SDHAF3: variants seen among roughly 807,000 people sequenced by gnomAD.
SDHAF3 encodes succinate dehydrogenase assembly factor 3, mitochondrial.
A neutral mutation model predicts 11.5 loss-of-function variants in SDHAF3; 18 were observed. That is an observed-to-expected ratio of 1.56 (90% CI 1.08 to 2.32). The LOEUF is 2.32. Ranked by LOEUF, SDHAF3 falls within the 30% of genes most tolerant of loss-of-function variation. The pLI is 0.00. For missense variants in SDHAF3, 200 were observed against 154.4 expected, an observed-to-expected ratio of 1.30 and a Z score of -1.57; for synonymous variants, 72 against 59.3, an observed-to-expected ratio of 1.21 and a Z score of -0.99.
chr7:97,126,491 C>T (rs1425787620), intron 1 of SDHAF3, among the ~76,000 whole-genome samples: 1 of 152,142 alleles, frequency 6.6e-6, no homozygotes, highest in Non-Finnish European at 1.5e-5. Context: ...GGGGCTGCTG[C>T]CTTTGTTTCA....
intron 1 of SDHAF3, among the ~76,000 whole-genome samples, chr7:97,123,583 A>G (rs1433516050): frequency 6.6e-6 from 1 of 152,128 alleles, no homozygotes; most frequent in Non-Finnish European, 1.5e-5. Flanking sequence ...TGTCTTCCAC[A>G]ATGGTTGAAG....
chr7:97,147,891 G>T (rs1420312803), intron 1 of SDHAF3, among the ~76,000 whole-genome samples: 2 of 152,066 alleles, frequency 1.3e-5, no homozygotes, highest in African/African-American at 2.4e-5. Context: ...CTTCAGTGGT[G>T]AACTTTTTAT....
intron 1 of SDHAF3, among the ~76,000 whole-genome samples, chr7:97,164,443 C>T (rs926577689): frequency 6.8e-6 from 1 of 147,638 alleles, no homozygotes; most frequent in South Asian, 2.1e-4. Flanking sequence ...AGTGCAATGG[C>T]GCAATCTCGG....
At chr7:97,122,512 T>G (rs1248248759) in intron 1 of SDHAF3, among the ~76,000 whole-genome samples, 1 of 152,038 alleles carries the variant, frequency 6.6e-6, no homozygotes, top group Non-Finnish European at 1.5e-5. Context: ...GAGGTTTTTT[T>G]TTTTTTTCTT....
chr7:97,137,374 G>T (rs1227433328), intron 1 of SDHAF3, among the ~76,000 whole-genome samples: 1 of 152,178 alleles, frequency 6.6e-6, no homozygotes, highest in Non-Finnish European at 1.5e-5. Flanking sequence ...TTAACAAGTT[G>T]AGAGTCAAGG....
intron 1 of SDHAF3, among the ~76,000 whole-genome samples, chr7:97,160,529 T>C (rs1425117592): frequency 6.6e-6 from 1 of 152,146 alleles, no homozygotes; most frequent in Non-Finnish European, 1.5e-5. Context: ...GAAGTAGACA[T>C]AGGAGACTCC....
intron 1 of SDHAF3, among the ~76,000 whole-genome samples, chr7:97,127,600 G>A (rs1244178642): frequency 6.6e-6 from 1 of 152,026 alleles, no homozygotes; most frequent in Non-Finnish European, 1.5e-5. Context: ...AGTATAATTA[G>A]GATTGGATGG....
At chr7:97,136,224 T>A (rs1226147142) in intron 1 of SDHAF3, among the ~76,000 whole-genome samples, 1 of 152,224 alleles carries the variant, frequency 6.6e-6, no homozygotes, top group Non-Finnish European at 1.5e-5. Context: ...TCTGAAGAAT[T>A]CTTTATAAAC....
chr7:97,120,098 T>C (rs1487142237), intron 1 of SDHAF3, among the ~76,000 whole-genome samples: 1 of 152,202 alleles, frequency 6.6e-6, no homozygotes, highest in Non-Finnish European at 1.5e-5. Context: ...TTAGCATTCA[T>C]TGATGGATTT....
At chr7:97,145,343 T>G (rs972639355) in intron 1 of SDHAF3, among the ~76,000 whole-genome samples, 2 of 152,200 alleles carry the variant, frequency 1.3e-5, no homozygotes, top group African/African-American at 4.8e-5. Flanking sequence ...TTCTGACTAG[T>G]ACATTTCATA....
rs10653828 is a variant in SDHAF3 at position 97,165,357 on chromosome 7, CTTTTTTTTTT to C, written c.175-15644_175-15635del. Among the ~76,000 whole-genome samples the C allele has an allele frequency of 7.0e-3, 543 of 77,042 alleles. 6 individuals are homozygous for C. Among genetic ancestry groups the C allele is most frequent in the African/African-American group, 0.023 (463 of 19,960 alleles). The allele number at this position is 77,042 out of a possible 152,430, so 50.5% of individuals were successfully genotyped here. On this transcript the variant is annotated intron_variant, in intron 1 of 1. Transcript: ENST00000432641. ...AAGGTATCTCAAAGGATTTTCCTAC[CTTTTTTTTTT>C]TTTTTTTTTTGCTTGTTTTTATTTT...
At position 97,156,964 on chromosome 7, in the gene SDHAF3, C is replaced by T. The variant is rs189665467; in HGVS notation, c.175-24048C>T. ...TTAGGTATTTCTCTTAATGCTATCCCTCCCCCAGTCCCCCAGCCCCTGACA... is the reference window on the plus strand; with the variant it reads ...TTAGGTATTTCTCTTAATGCTATCCTTCCCCCAGTCCCCCAGCCCCTGACA... On this transcript the variant is annotated intron_variant, in intron 1 of 1. Coordinates refer to ENST00000432641, the MANE Select transcript of SDHAF3 (RefSeq NM_020186.3). Among the ~76,000 whole-genome samples the T allele has an allele frequency of 5.4e-3, 823 of 152,214 alleles. 9 individuals carry two copies. The highest frequency in any genetic ancestry group is 0.018 in the African/African-American group (756 of 41,522).
At chr7:97,178,198 GT>G (rs1408965784) in intron 1 of SDHAF3, among the ~76,000 whole-genome samples, 1 of 152,056 alleles carries the variant, frequency 6.6e-6, no homozygotes, top group Non-Finnish European at 1.5e-5. Context: ...TCTTTTTAAG[GT>G]TTATCCATGT....
chr7:97,177,285 G>C (rs1478945326), intron 1 of SDHAF3, among the ~76,000 whole-genome samples: 2 of 152,000 alleles, frequency 1.3e-5, no homozygotes, highest in Non-Finnish European at 2.9e-5. Flanking sequence ...GGTGGATCAT[G>C]AGGTCAGGAG....
chr7:97,158,448 C>T (rs148612401), intron 1 of SDHAF3, among the ~76,000 whole-genome samples: 1,612 of 152,270 alleles, frequency 0.011, 27 homozygotes, highest in African/African-American at 0.036. Flanking sequence ...ATGCCCCAGC[C>T]TCCTGAGTAG....
chr7:97,120,423 G>A (rs1791473427), intron 1 of SDHAF3, among the ~76,000 whole-genome samples: 1 of 151,884 alleles, frequency 6.6e-6, no homozygotes, highest in Admixed American at 6.6e-5. Context: ...ATGATTGGAG[G>A]GGAGAAAAAC....
intron 1 of SDHAF3, among the ~76,000 whole-genome samples, chr7:97,152,107 TA>T (rs1789233500): frequency 6.6e-6 from 1 of 152,202 alleles, no homozygotes; most frequent in African/African-American, 2.4e-5. Context: ...TTCACTGCCC[TA>T]AAAATTCTCT....
chr7:97,176,249 C>T (rs892125503), intron 1 of SDHAF3, among the ~76,000 whole-genome samples: 3 of 152,186 alleles, frequency 2.0e-5, no homozygotes, highest in East Asian at 1.9e-4. Flanking sequence ...TGTCTCTCTT[C>T]GACAGCTTTC....
chr7:97,136,687 A>G (rs1791776112), intron 1 of SDHAF3, among the ~76,000 whole-genome samples: 1 of 152,234 alleles, frequency 6.6e-6, no homozygotes, highest in African/African-American at 2.4e-5. Context: ...TTTTAAAAGC[A>G]TAACTGGAAT....
Sources: allele counts gnomAD v4.1 joint callset (sites outside exome capture counted in the v4.1 genomes callset), GRCh38; gene constraint gnomAD v4.1.1; transcripts MANE v1.5; gene names NCBI Gene and HGNC (gene_info 2026-07-23, HGNC 2026-07-21).